COLEC10: variants seen among roughly 807,000 people sequenced by gnomAD.
The protein encoded by COLEC10 is collectin-10.
COLEC10 carries 22 observed loss-of-function variants against 28.4 expected under a neutral mutation model. The observed-to-expected ratio is 0.78, with a 90% CI of 0.55 to 1.11. COLEC10 has a LOEUF of 1.11. Ranked by LOEUF, COLEC10 falls within the 50% of genes least tolerant of loss-of-function variation. The pLI is 0.00. For synonymous variants in COLEC10, 125 were observed against 116.1 expected (o/e 1.08, Z -0.49); for missense variants, 361 against 344.1 (o/e 1.05, Z -0.39).
chr8:119,069,055 ATGTTAGATGC>A (rs1233393649), intron 1 of COLEC10, among the ~76,000 whole-genome samples: 2 of 152,170 alleles, frequency 1.3e-5, no homozygotes, highest in Non-Finnish European at 2.9e-5. Flanking sequence ...TCCAGGCATC[ATGTTAGATGC>A]TAGGGGTTGG....
At chr8:119,071,013 T>C (rs1225146008) in intron 1 of COLEC10, among the ~76,000 whole-genome samples, 1 of 152,202 alleles carries the variant, frequency 6.6e-6, no homozygotes. Context: ...CCCTGGGCCT[T>C]CTGGCTCCAA....
intron 2 of COLEC10, among the ~76,000 whole-genome samples, chr8:119,040,441 A>C (rs1048239219): frequency 5.3e-5 from 8 of 152,206 alleles, no homozygotes; most frequent in African/African-American, 4.8e-5. Flanking sequence ...AACCATAAGA[A>C]ATGAAATTAA....
intron 2 of COLEC10, among the ~76,000 whole-genome samples, chr8:119,034,127 C>A (rs1481020751): frequency 6.6e-6 from 1 of 152,070 alleles, no homozygotes; most frequent in Non-Finnish European, 1.5e-5. Flanking sequence ...TTATTCTCAG[C>A]AAACTAACAC....
intron 3 of COLEC10, among the ~76,000 whole-genome samples, chr8:119,100,873 G>C (rs1815812106): frequency 6.6e-6 from 1 of 152,146 alleles, no homozygotes; most frequent in African/African-American, 2.4e-5. Context: ...TGTTTGGGGA[G>C]CACGTGAATG....
chr8:119,054,720 T>C (rs919231697), intron 2 of COLEC10, among the ~76,000 whole-genome samples: 9 of 152,132 alleles, frequency 5.9e-5, no homozygotes, highest in Non-Finnish European at 8.8e-5. Context: ...TTTTTAAAAA[T>C]GTTTGCAACA....
intron 3 of COLEC10, among the ~76,000 whole-genome samples, chr8:119,101,098 C>T (rs1256718806): frequency 6.6e-6 from 1 of 152,164 alleles, no homozygotes; most frequent in Non-Finnish European, 1.5e-5. Context: ...GAGTGGCTTC[C>T]ACTTTTTCTC....
At position 119,106,915 on chromosome 8, in the gene COLEC10, A is replaced by G. The variant is rs1386785412; in HGVS notation, c.*724A>G. Among the ~76,000 whole-genome samples the G allele has an allele frequency of 2.0e-5, 3 of 152,164 alleles. No individual in the cohort carries two copies. Among genetic ancestry groups the G allele is most frequent in the African/African-American group, 7.2e-5 (3 of 41,450 alleles). ...TCACACCTTAATCTCAGGCCCCTAT[A>G]TAGTCACACTTTGATTTAAGAAAAA... On this transcript the variant is annotated 3_prime_UTR_variant, in exon 6 of 6. Coordinates refer to ENST00000332843, the MANE Select transcript of COLEC10 (RefSeq NM_006438.5).
intron 2 of COLEC10, among the ~76,000 whole-genome samples, chr8:119,031,679 A>G (rs974005610): frequency 6.6e-6 from 1 of 152,184 alleles, no homozygotes; most frequent in African/African-American, 2.4e-5. Flanking sequence ...ATTCCCCTAT[A>G]TCTTAGTGCA....
At chr8:119,075,629 T>G (rs1304615550) in intron 1 of COLEC10, among the ~76,000 whole-genome samples, 2 of 152,154 alleles carry the variant, frequency 1.3e-5, no homozygotes, top group Non-Finnish European at 2.9e-5. Context: ...TTACAAAGGT[T>G]AATCCATTAT....
chr8:119,051,988 T>C (rs1814683595), intron 2 of COLEC10, among the ~76,000 whole-genome samples: 1 of 152,150 alleles, frequency 6.6e-6, no homozygotes, highest in Non-Finnish European at 1.5e-5. Context: ...AGTTTTATTA[T>C]GGCATACCAA....
intron 1 of COLEC10, among the ~76,000 whole-genome samples, chr8:118,997,667 C>T (rs1000121109): frequency 9.2e-5 from 14 of 152,260 alleles, no homozygotes; most frequent in Admixed American, 4.6e-4. Context: ...CTACTGACTG[C>T]CTTATAAAGA....
At chr8:119,016,233 G>A (rs1403283114) in intron 2 of COLEC10, among the ~76,000 whole-genome samples, 1 of 151,942 alleles carries the variant, frequency 6.6e-6, no homozygotes, top group African/African-American at 2.4e-5. Flanking sequence ...CTGTGTCCAC[G>A]TGTTCTCATT....
chr8:118,960,288 A>G, the COLEC10 span, among the ~76,000 whole-genome samples: 21 of 152,312 alleles, frequency 1.4e-4, 1 homozygote, highest in African/African-American at 5.1e-4. Flanking sequence ...AAAAGCATGG[A>G]TAATTTTGAA....
chr8:118,980,325 G>T, the COLEC10 span, among the ~76,000 whole-genome samples: 1 of 151,258 alleles, frequency 6.6e-6, no homozygotes, highest in Non-Finnish European at 1.5e-5. Flanking sequence ...CCCAAGTAGC[G>T]GGAATTACAG....
At chr8:119,056,545 C>A (rs917191395) in intron 2 of COLEC10, among the ~76,000 whole-genome samples, 7 of 151,930 alleles carry the variant, frequency 4.6e-5, no homozygotes, top group Non-Finnish European at 1.0e-4. Context: ...AATAGTAAAG[C>A]CAGAAGGGAG....
intron 2 of COLEC10, among the ~76,000 whole-genome samples, chr8:119,035,439 A>G (rs1814373265): frequency 6.6e-6 from 1 of 152,252 alleles, no homozygotes. Context: ...TATCAATCCT[A>G]TCTGGATACA....
intron 1 of COLEC10, among the ~76,000 whole-genome samples, chr8:119,000,334 T>TGA (rs1270083398): frequency 6.6e-6 from 1 of 152,012 alleles, no homozygotes; most frequent in Non-Finnish European, 1.5e-5. Context: ...AGAAGTGTGA[T>TGA]AGGATTATAT....
chr8:118,952,690 CCCA>C, the COLEC10 span, among the ~76,000 whole-genome samples: 1 of 152,196 alleles, frequency 6.6e-6, no homozygotes, highest in African/African-American at 2.4e-5. Flanking sequence ...CTTCACCAAC[CCCA>C]CCATCATCAA....
At chr8:119,007,086 A>G (rs532966962) in intron 1 of COLEC10, among the ~76,000 whole-genome samples, 107 of 152,188 alleles carry the variant, frequency 7.0e-4, no homozygotes, top group African/African-American at 2.5e-3. Flanking sequence ...CAAAACTATA[A>G]GCTGGAAACA....
Sources: allele counts gnomAD v4.1 joint callset (sites outside exome capture counted in the v4.1 genomes callset), GRCh38; gene constraint gnomAD v4.1.1; transcripts MANE v1.5; gene names NCBI Gene and HGNC (gene_info 2026-07-23, HGNC 2026-07-21).